MIER3: variants seen among roughly 807,000 people sequenced by gnomAD.
The protein encoded by MIER3 is mesoderm induction early response protein 3.
MIER3 carries 9 observed loss-of-function variants against 63.2 expected under a neutral mutation model. The observed-to-expected ratio is 0.14, with a 90% CI of 0.09 to 0.25. MIER3 has a LOEUF of 0.25. Ranked by LOEUF, MIER3 falls within the 10% of genes least tolerant of loss-of-function variation. The pLI, the probability that MIER3 is intolerant of heterozygous loss-of-function variation, is 1.00. For missense variants in MIER3, 512 were observed against 666.2 expected (o/e 0.77, Z 2.55); for synonymous variants, 205 against 224.9 (o/e 0.91, Z 0.79).
chr5:56,938,229 T>C, intron 4 of MIER3: 1 of 471,020 alleles, frequency 2.1e-6, no homozygotes. Context: ...GTTGAATGAC[T>C]ATGGTCATTA....
chr5:56,924,070 A>C, intron 10 of MIER3, 28 bp from the exon 11 acceptor site: 1 of 1,591,276 alleles, frequency 6.3e-7, no homozygotes, highest in South Asian at 1.2e-5. Context: ...TTTTTAAAAA[A>C]CCAACAAACT....
chr5:56,947,225 C>G (rs779111825), intron 2 of MIER3, 154 bp from the exon 3 acceptor site: 1 of 704,134 alleles, frequency 1.4e-6, no homozygotes, highest in Non-Finnish European at 2.1e-6. Context: ...TAAATTAAGA[C>G]CCCATGATTC....
At chr5:56,931,240 T>G (rs1210826814) in intron 8 of MIER3, among the ~76,000 whole-genome samples, 1 of 152,222 alleles carries the variant, frequency 6.6e-6, no homozygotes, top group Admixed American at 6.5e-5. Context: ...GGTGCCACTT[T>G]TCAAAATTAG....
chr5:56,933,957 A>G (rs992466202), intron 7 of MIER3, among the ~76,000 whole-genome samples: 2 of 151,916 alleles, frequency 1.3e-5, no homozygotes, highest in Admixed American at 1.3e-4. Flanking sequence ...GAAGAGGGAG[A>G]AACAGTAAGA....
At chr5:56,936,462 A>T (rs2591971) in intron 5 of MIER3, among the ~76,000 whole-genome samples, 2,099 of 145,268 alleles carry the variant, frequency 0.014, 25 homozygotes, top group Non-Finnish European at 0.022. Context: ...AAAAATACCT[A>T]AAAAAAAAAA....
chr5:56,951,781 A>ACACGG (rs925478906), intron 1 of MIER3, among the ~76,000 whole-genome samples: 1 of 151,320 alleles, frequency 6.6e-6, no homozygotes, highest in Non-Finnish European at 1.5e-5. Context: ...GCGACCGGGG[A>ACACGG]CACGGCACTG....
intron 10 of MIER3, 95 bp downstream of exon 10, chr5:56,928,665 ACATTAGT>A (rs1750122176): frequency 1.4e-6 from 1 of 710,192 alleles, no homozygotes. Flanking sequence ...CTATAAGGGA[ACATTAGT>A]AAGTTGTTCT....
At chr5:56,936,592 C>G (rs758614330) in intron 5 of MIER3, among the ~76,000 whole-genome samples, 22 of 151,984 alleles carry the variant, frequency 1.4e-4, no homozygotes, top group Non-Finnish European at 2.6e-4. Flanking sequence ...CTCCCTGTGA[C>G]CTCAAAGTCC....
intron 2 of MIER3, 61 bp downstream of exon 2, chr5:56,950,567 A>T (rs1248279789): frequency 2.6e-6 from 4 of 1,554,164 alleles, no homozygotes; most frequent in South Asian, 2.2e-5. Flanking sequence ...CTTTAGCAAC[A>T]GACCTTTGAG....
chr5:56,933,660 T>C (rs1284742038), intron 7 of MIER3, among the ~76,000 whole-genome samples: 1 of 152,192 alleles, frequency 6.6e-6, no homozygotes, highest in African/African-American at 2.4e-5. Context: ...AGGCTCTCCA[T>C]GCCTAGTAAA....
intron 3 of MIER3, among the ~76,000 whole-genome samples, chr5:56,943,062 C>T (rs1285999679): frequency 6.6e-6 from 1 of 152,076 alleles, no homozygotes; most frequent in Non-Finnish European, 1.5e-5. Flanking sequence ...GGGAAAACTG[C>T]TTAAGCCCAG....
At chr5:56,939,678 T>C (rs1272961655) in intron 3 of MIER3, among the ~76,000 whole-genome samples, 4 of 152,172 alleles carry the variant, frequency 2.6e-5, no homozygotes, top group Non-Finnish European at 5.9e-5. Context: ...TTTAATAAAA[T>C]TACATACCCT....
intron 6 of MIER3, 70 bp downstream of exon 6, chr5:56,935,596 A>G: frequency 6.5e-7 from 1 of 1,535,342 alleles, no homozygotes; most frequent in East Asian, 2.3e-5. Context: ...TCAAAACAAC[A>G]AAATTATCAT....
At chr5:56,934,104 T>C (rs1318042116) in intron 7 of MIER3, among the ~76,000 whole-genome samples, 5 of 152,198 alleles carry the variant, frequency 3.3e-5, no homozygotes, top group African/African-American at 4.8e-5. Flanking sequence ...GTAATATGAA[T>C]GGCCCAAGTA....
In MIER3 at chr5:56,923,139, G is replaced by A. The variant is rs151310954; in HGVS notation, c.1642C>T (p.His548Tyr). The A allele has an allele frequency of 6.2e-7, 1 of 1,613,724 alleles. No homozygotes were observed. The highest frequency in any genetic ancestry group is 1.3e-5 in the African/African-American group (1 of 74,928). The change falls in exon 13 of 13, where the codon CAC (histidine) becomes TAC (tyrosine). Residue 548 changes from histidine (H) to tyrosine (Y), a missense_variant. Coordinates refer to ENST00000381199, the MANE Select transcript of MIER3 (RefSeq NM_001297599.2). ...AHALHQHAAL[H>Y]SE ...GATCCTCACTCAGGTCACTCAGAGT[G>A]TAGGGCCGCGTGCTGATGCAGAGCA...
chr5:56,922,879 A>G lies in MIER3; in HGVS notation c.*249T>C. 1 of 471,510 alleles carries G rather than the reference A, an allele frequency of 2.1e-6. No individual in the cohort carries two copies. Among genetic ancestry groups the G allele is most frequent in the East Asian group, 3.8e-5 (1 of 26,344 alleles). 29.2% of individuals were successfully genotyped at this position (471,510 alleles called of 1,614,324 possible). A position where few individuals can be genotyped will look rare whatever the true frequency, so the allele number is the denominator to read the frequency against. Reference sequence around the variant, plus strand: ...GGTATTGGGAGATGAGGAAGAGAGAAGCAGAGCTTAAAGCTGCACCACAGA... The same window carrying G: ...GGTATTGGGAGATGAGGAAGAGAGAGGCAGAGCTTAAAGCTGCACCACAGA... On this transcript the variant is annotated 3_prime_UTR_variant, in exon 13 of 13. Coordinates refer to ENST00000381199, the MANE Select transcript of MIER3 (RefSeq NM_001297599.2).
intron 3 of MIER3, 118 bp downstream of exon 3, chr5:56,946,808 A>C (rs954771313): frequency 6.2e-6 from 5 of 803,840 alleles, no homozygotes; most frequent in Non-Finnish European, 9.2e-6. Context: ...ATCCCCCAAA[A>C]TAAGAGTGAA....
chr5:56,927,415 C>T (rs1437901960), intron 10 of MIER3, among the ~76,000 whole-genome samples: 1 of 152,086 alleles, frequency 6.6e-6, no homozygotes, highest in African/African-American at 2.4e-5. Context: ...AACTAAAGTC[C>T]ATTAGCTTTT....
At chr5:56,946,859 TA>T in intron 3 of MIER3, 66 bp downstream of exon 3, 1 of 1,213,162 alleles carries the variant, frequency 8.2e-7, no homozygotes, top group Middle Eastern at 2.4e-4. Flanking sequence ...TCAGGTAGAT[TA>T]TTTTTAAAAT....
Sources: allele counts gnomAD v4.1 joint callset (sites outside exome capture counted in the v4.1 genomes callset), GRCh38; gene constraint gnomAD v4.1.1; transcripts MANE v1.5; gene names NCBI Gene and HGNC (gene_info 2026-07-23, HGNC 2026-07-21).